The following KIF4A variants were observed in gnomAD, a reference collection of about 807,000 sequenced individuals.
The protein encoded by KIF4A is kinesin family member 4A, also known as chromosome-associated kinesin KIF4A.
A neutral mutation model predicts 105.9 loss-of-function variants in KIF4A; 7 were observed. That is an observed-to-expected ratio of 0.07 (90% confidence interval 0.04 to 0.12). The LOEUF (loss-of-function observed/expected upper bound fraction) is 0.12. Ranked by LOEUF, KIF4A falls within the 10% of genes least tolerant of loss-of-function variation. The pLI, the probability that KIF4A is intolerant of heterozygous loss-of-function variation, is 1.00. For missense variants in KIF4A, 558 were observed against 929.2 expected (o/e 0.60, Z 5.19); for synonymous variants, 281 against 331.3 (o/e 0.85, Z 1.65).
intron 15 of KIF4A, among the ~76,000 whole-genome samples, chrX:70,371,367 G>A (rs912825401): frequency 1.8e-5 from 2 of 110,530 alleles, no homozygotes; most frequent in Non-Finnish European, 3.8e-5. Flanking sequence ...AGTCTCCCAT[G>A]TCTACCTCTT....
chrX:70,408,226 C>T (rs776829956), intron 28 of KIF4A, among the ~76,000 whole-genome samples: 40 of 111,577 alleles, frequency 3.6e-4, no homozygotes, highest in African/African-American at 1.2e-3. Flanking sequence ...TTTGTTTCCC[C>T]CACATCATGG....
intron 15 of KIF4A, among the ~76,000 whole-genome samples, chrX:70,357,281 T>G (rs936899688): frequency 4.5e-5 from 5 of 111,956 alleles, no homozygotes; most frequent in Non-Finnish European, 7.5e-5. Context: ...GCCACTGCAC[T>G]CCAGCCTGGG....
intron 3 of KIF4A, among the ~76,000 whole-genome samples, chrX:70,294,401 A>G (rs889553186): frequency 1.1e-4 from 12 of 112,812 alleles, no homozygotes; most frequent in African/African-American, 1.6e-4. Context: ...AATGATAAAA[A>G]GTATGGTATA....
chrX:70,292,284 CA>C (rs1212223573), intron 3 of KIF4A, among the ~76,000 whole-genome samples: 2 of 112,214 alleles, frequency 1.8e-5, no homozygotes, highest in Non-Finnish European at 3.8e-5. Context: ...TATTTTATGG[CA>C]AAAAGATCTA....
intron 13 of KIF4A, among the ~76,000 whole-genome samples, chrX:70,345,627 A>G (rs1203038913): frequency 1.8e-5 from 2 of 111,642 alleles, no homozygotes; most frequent in African/African-American, 6.5e-5. Context: ...AACAGTTTTT[A>G]ATGTTAATTG....
chrX:70,403,769 C>T (rs2086290334), intron 23 of KIF4A, 95 bp from the exon 24 acceptor site: 1 of 808,050 alleles, frequency 1.2e-6, no homozygotes, highest in South Asian at 2.8e-5. Context: ...TTTTCTCAGA[C>T]CCTTTCAAGA....
intron 10 of KIF4A, among the ~76,000 whole-genome samples, chrX:70,336,107 T>C (rs1162603607): frequency 8.9e-6 from 1 of 112,085 alleles, no homozygotes; most frequent in African/African-American, 3.2e-5. Flanking sequence ...CTGTATGTAA[T>C]GATTGTATAC....
rs1368519418 is a variant in KIF4A, at chrX:70,402,825, G to A, written c.2619+130G>A. ...AAACCCTAATAACACTAACATTAGA[G>A]AGTTTAGTAGATAAAGGTTGGTGTA... On this transcript the variant is annotated intron_variant, in intron 23 of 30. Transcript: ENST00000374403. The A allele has an allele frequency of 1.3e-5, 10 of 783,432 alleles. No individual in the cohort carries two copies. In the Admixed American group the frequency reaches 2.9e-4, roughly 23 times the overall value. The allele number at this position is 783,432 out of a possible 1,213,427, so 64.6% of individuals were successfully genotyped here. A position where few individuals can be genotyped will look rare whatever the true frequency, so the allele number is the denominator to read the frequency against.
chrX:70,301,688 G>A (rs978910680), intron 5 of KIF4A, among the ~76,000 whole-genome samples: 8 of 111,630 alleles, frequency 7.2e-5, no homozygotes, highest in East Asian at 2.8e-4. Context: ...TAGCTGGCAC[G>A]CTTGTTTCTG....
intron 7 of KIF4A, among the ~76,000 whole-genome samples, chrX:70,321,979 T>G (rs1443583060): frequency 9.0e-6 from 1 of 110,551 alleles, no homozygotes; most frequent in African/African-American, 3.3e-5. Context: ...GAAGACTCTT[T>G]CACAGGCTTC....
chrX:70,364,507 C>A (rs1201889441), intron 15 of KIF4A, among the ~76,000 whole-genome samples: 1 of 108,250 alleles, frequency 9.2e-6, no homozygotes, highest in East Asian at 2.9e-4. Context: ...AATCCTTTCC[C>A]CATTGCTTGT....
At chrX:70,378,554 C>T (rs757384836) in intron 18 of KIF4A, among the ~76,000 whole-genome samples, 1 of 108,894 alleles carries the variant, frequency 9.2e-6, no homozygotes, top group Admixed American at 9.9e-5. Flanking sequence ...CATGGAGAAA[C>T]CCTCTCTCTA....
chrX:70,392,757 G>C (rs1179825613), intron 20 of KIF4A, among the ~76,000 whole-genome samples: 1 of 107,645 alleles, frequency 9.3e-6, no homozygotes, highest in Non-Finnish European at 1.9e-5. Context: ...AGGTAAAATG[G>C]TAATTTTTAT....
intron 15 of KIF4A, among the ~76,000 whole-genome samples, chrX:70,371,852 C>G (rs1457985678): frequency 4.0e-5 from 4 of 99,149 alleles, no homozygotes; most frequent in African/African-American, 1.5e-4. Context: ...TCAGATGGGG[C>G]GGCTGCCGGG....
chrX:70,368,701 C>G (rs1030429472), intron 15 of KIF4A, among the ~76,000 whole-genome samples: 1 of 112,099 alleles, frequency 8.9e-6, no homozygotes, highest in African/African-American at 3.2e-5. Flanking sequence ...GGGTCAGGGA[C>G]CCACTTGAGG....
At chrX:70,387,041 C>T (rs1234150119) in intron 19 of KIF4A, 143 bp from the exon 20 acceptor site, 3 of 460,831 alleles carry the variant, frequency 6.5e-6, no homozygotes, top group Non-Finnish European at 1.1e-5. Flanking sequence ...AGCTGTTCAC[C>T]AGTGTTATGT....
intron 4 of KIF4A, among the ~76,000 whole-genome samples, chrX:70,298,680 A>C (rs1425783376): frequency 8.9e-6 from 1 of 112,575 alleles, no homozygotes; most frequent in African/African-American, 3.2e-5. Context: ...ACACTGTTCT[A>C]AGTACTTAAA....
chrX:70,379,607 A>G (rs2086189237), intron 18 of KIF4A, among the ~76,000 whole-genome samples: 1 of 110,785 alleles, frequency 9.0e-6, no homozygotes, highest in Admixed American at 9.7e-5. Flanking sequence ...CCTGGCCAAC[A>G]TGGTGAAACC....
At chrX:70,342,281 T>G (rs2085975448) in intron 11 of KIF4A, among the ~76,000 whole-genome samples, 1 of 112,279 alleles carries the variant, frequency 8.9e-6, no homozygotes, top group South Asian at 3.7e-4. Flanking sequence ...AACCATTCCT[T>G]CTCCAAGATT....
Sources: gnomAD v4.1 joint callset for allele counts (sites outside exome capture counted in the v4.1 genomes callset) on GRCh38, gnomAD v4.1.1 for gene constraint, MANE v1.5 for transcripts, NCBI Gene and HGNC (gene_info 2026-07-23, HGNC 2026-07-21) for gene names.